CCDC171: variants seen among roughly 807,000 people sequenced by gnomAD.
The protein encoded by CCDC171 is coiled-coil domain-containing protein 171.
In CCDC171, 177 loss-of-function variants were observed where a neutral mutation model predicts 168.2. The observed-to-expected ratio is 1.05, with a 90% confidence interval of 0.93 to 1.19. CCDC171 has a LOEUF of 1.19. Among genes scored for constraint, CCDC171 ranks in the 50% most tolerant of loss-of-function variants. The pLI, the probability that CCDC171 is intolerant of heterozygous loss-of-function variation, is 0.00. For synonymous variants in CCDC171, 687 were observed against 540.8 expected (o/e 1.27, Z -3.75); for missense variants, 1,991 against 1,539.0 (o/e 1.29, Z -4.91).
In CCDC171 at chr9:15,631,716, A is replaced by G. The variant is rs966725699; in HGVS notation, c.822+8303A>G. 2.0e-5 allele frequency among the ~76,000 whole-genome samples: 3 copies of G among 152,180 alleles called. No homozygotes were observed. In the East Asian group the frequency reaches 5.8e-4, roughly 29 times the overall value. Reference sequence around the variant, plus strand: ...ACGAAAGCCGGGCAGAGACACAACCAAAAAAGAGAATTTTAGACCACTATC... The same window carrying G: ...ACGAAAGCCGGGCAGAGACACAACCGAAAAAGAGAATTTTAGACCACTATC... On this transcript the variant is annotated intron_variant, in intron 7 of 25. Coordinates refer to ENST00000380701, the MANE Select transcript of CCDC171 (RefSeq NM_173550.4).
At chr9:15,954,532 A>G (rs963504883) in intron 25 of CCDC171, among the ~76,000 whole-genome samples, 6 of 151,974 alleles carry the variant, frequency 3.9e-5, no homozygotes, top group African/African-American at 1.4e-4. Flanking sequence ...TTTTCATTCT[A>G]GATCTCCACA....
chr9:15,626,051 T>C (rs538079127), intron 7 of CCDC171, among the ~76,000 whole-genome samples: 1 of 152,328 alleles, frequency 6.6e-6, no homozygotes, highest in South Asian at 2.1e-4. Context: ...GTAAGTTGGA[T>C]TCCTAGGTAT....
chr9:15,743,252 A>C (rs1000145653), intron 16 of CCDC171, among the ~76,000 whole-genome samples: 1 of 139,900 alleles, frequency 7.1e-6, no homozygotes, highest in African/African-American at 2.7e-5. Context: ...TGCAGCCTCA[A>C]CCTCCTGGAT....
Position 16,012,555 on chromosome 9 carries a change from A to G in CCDC171, n.369-8034A>G, listed in dbSNP as rs187697031. On this transcript the variant is annotated intron_variant and non_coding_transcript_variant, in intron 3 of 9. Coordinates refer to the CCDC171 transcript ENST00000486641. ...TATTTTCTATTGAATTTTTTTTTTT[A>G]CTATAACCCGGATAATTTTTTTTTT... Among the ~76,000 whole-genome samples the G allele has an allele frequency of 1.1e-3, 152 of 139,832 alleles. 1 individual carries two copies. The highest frequency in any genetic ancestry group is 3.7e-3 in the African/African-American group (138 of 37,508). The allele number at this position is 139,832 out of a possible 152,430, so 91.7% of individuals were successfully genotyped here.
At chr9:15,803,087 C>T (rs992352842) in intron 21 of CCDC171, among the ~76,000 whole-genome samples, 8 of 152,032 alleles carry the variant, frequency 5.3e-5, no homozygotes, top group African/African-American at 1.7e-4. Flanking sequence ...GTCCTTTGAC[C>T]ACTTTTTAAC....
rs185911578 is a variant in CCDC171, at chr9:15,640,290, T to C, written c.823-16837T>C. 3.0e-3 allele frequency among the ~76,000 whole-genome samples: 451 copies of C among 152,280 alleles called. 2 individuals carry two copies. The highest frequency in any genetic ancestry group is 0.024 in the Middle Eastern group (7 of 294). ...GACTTCCTTCCTCTTCTCTTTTACA[T>C]GGCAGTTCCCGTGTTCTGAGTCACA... On this transcript the variant is annotated intron_variant, in intron 7 of 25. Transcript: ENST00000380701.
At chr9:15,718,705 C>T (rs750398687) in intron 11 of CCDC171, among the ~76,000 whole-genome samples, 3 of 152,226 alleles carry the variant, frequency 2.0e-5, no homozygotes, top group Admixed American at 2.0e-4. Flanking sequence ...TGAATTTTAT[C>T]AAGACCACAA....
chr9:15,995,207 C>T (rs1463696188), intron 3 of CCDC171, among the ~76,000 whole-genome samples: 2 of 152,150 alleles, frequency 1.3e-5, no homozygotes, highest in African/African-American at 2.4e-5. Context: ...AATGAAGTAA[C>T]ATTTGGGGGA....
At chr9:15,993,574 A>G (rs1180600109) in intron 3 of CCDC171, among the ~76,000 whole-genome samples, 1 of 152,230 alleles carries the variant, frequency 6.6e-6, no homozygotes, top group African/African-American at 2.4e-5. Context: ...CAATGGCAAC[A>G]AAAGCCAAAA....
At chr9:15,560,758 G>T (rs1242658204) in intron 1 of CCDC171, among the ~76,000 whole-genome samples, 6 of 152,114 alleles carry the variant, frequency 3.9e-5, no homozygotes, top group African/African-American at 1.2e-4. Flanking sequence ...TCCCAGTCCA[G>T]CTTTGTTCCG....
At chr9:15,589,335 A>T (rs1270202172) in intron 4 of CCDC171, among the ~76,000 whole-genome samples, 1 of 152,238 alleles carries the variant, frequency 6.6e-6, no homozygotes. Flanking sequence ...ATTGGTTGCC[A>T]GTGTATCAGG....
At chr9:15,751,209 A>G (rs1434119055) in intron 18 of CCDC171, among the ~76,000 whole-genome samples, 1 of 152,204 alleles carries the variant, frequency 6.6e-6, no homozygotes, top group African/African-American at 2.4e-5. Context: ...ATACCTAGGA[A>G]TCCAACTTAC....
rs187967417 is a variant in CCDC171, at chr9:15,722,852, C to G, written c.1426-829C>G. 3.5e-3 allele frequency among the ~76,000 whole-genome samples: 540 copies of G among 152,242 alleles called. 1 individual carries two copies. Among genetic ancestry groups the G allele is most frequent in the Non-Finnish European group, 4.9e-3 (335 of 68,010 alleles). The stretch of plus-strand genomic sequence containing the variant: ...AAATTTCTATGAGGAACAAATATTA[C>G]GAAGTCTTTCCCAGTGAGACAAGAC... On this transcript the variant is annotated intron_variant, in intron 12 of 25. Coordinates refer to ENST00000380701, the MANE Select transcript of CCDC171 (RefSeq NM_173550.4).
chr9:15,721,253 A>G (rs979710377), intron 11 of CCDC171, among the ~76,000 whole-genome samples: 2 of 152,158 alleles, frequency 1.3e-5, no homozygotes, highest in Non-Finnish European at 2.9e-5. Flanking sequence ...CAAGTATAAC[A>G]GAAAATTATA....
chr9:15,947,897 C>T (rs890669899), intron 25 of CCDC171, among the ~76,000 whole-genome samples: 2 of 151,556 alleles, frequency 1.3e-5, no homozygotes, highest in African/African-American at 2.4e-5. Context: ...CATATGTATA[C>T]ATGTGCCATG....
chr9:16,025,460 A>G (rs1460090110), intron 6 of CCDC171, among the ~76,000 whole-genome samples: 1 of 152,138 alleles, frequency 6.6e-6, no homozygotes, highest in African/African-American at 2.4e-5. Flanking sequence ...CTTCCTCTCA[A>G]AAACAAACAA....
intron 11 of CCDC171, among the ~76,000 whole-genome samples, chr9:15,709,448 G>C (rs897877233): frequency 6.6e-6 from 1 of 151,966 alleles, no homozygotes; most frequent in South Asian, 2.1e-4. Flanking sequence ...GATAAGGAAA[G>C]AAAAACAGAG....
chr9:16,069,618 A>C, the CCDC171 span, among the ~76,000 whole-genome samples: 5 of 152,342 alleles, frequency 3.3e-5, no homozygotes, highest in Non-Finnish European at 4.4e-5. Flanking sequence ...TTTATAATAG[A>C]TTAGCTTAGC....
At chr9:16,092,953 C>A in the CCDC171 span, among the ~76,000 whole-genome samples, 1 of 152,198 alleles carries the variant, frequency 6.6e-6, no homozygotes. Context: ...GGGTGGTCCT[C>A]GTGCTGGCAG....
Sources: gnomAD v4.1 joint callset for allele counts (sites outside exome capture counted in the v4.1 genomes callset) on GRCh38, gnomAD v4.1.1 for gene constraint, MANE v1.5 for transcripts, NCBI Gene and HGNC (gene_info 2026-07-23, HGNC 2026-07-21) for gene names.